MIOX: variants seen among roughly 807,000 people sequenced by gnomAD.
The protein encoded by MIOX is inositol oxygenase.
In MIOX, 51 loss-of-function variants were observed where a neutral mutation model predicts 42.7. The ratio of observed to expected loss-of-function variants is 1.19; its 90% confidence interval spans 0.95 to 1.51. The LOEUF is 1.51. Ranked by LOEUF, MIOX falls within the 40% of genes most tolerant of loss-of-function variation. MIOX has a pLI of 0.00. For missense variants in MIOX, 395 were observed against 381.3 expected (o/e 1.04, Z -0.30); for synonymous variants, 168 against 154.4 (o/e 1.09, Z -0.65).
At chr22:50,489,349 G>A (rs1418827024) in intron 7 of MIOX, 48 bp from the exon 8 acceptor site, 26 of 1,476,758 alleles carry the variant, frequency 1.8e-5, no homozygotes, top group Non-Finnish European at 2.2e-5. Flanking sequence ...GACGGTGGGG[G>A]GCGGTGGGGC....
rs1440032864 is a variant in MIOX, at chr22:50,489,453, G to C, written c.636+7G>C. 1 of 1,607,220 alleles carries C rather than the reference G, an allele frequency of 6.2e-7. No individual in the cohort carries two copies. The highest frequency in any genetic ancestry group is 1.7e-5 in the Admixed American group (1 of 59,782). On this transcript the variant is annotated splice_region_variant and intron_variant, in intron 8 of 9. Coordinates refer to ENST00000216075, the MANE Select transcript of MIOX (RefSeq NM_017584.6). ...GTTCTCACTGCCCCCTGAGGTAGGT[G>C]GGGGGAGGGGCAACGCAGCCCGTCC...
Position 50,487,038 on chromosome 22 carries a change from G to T in MIOX, c.15+126G>T, listed in dbSNP as rs2232877. 543 of 1,261,208 alleles carry T rather than the reference G, an allele frequency of 4.3e-4. 3 individuals are homozygous for T. The African/African-American group carries it at 7.3e-3, about 17-fold the overall frequency. 78.1% of individuals were successfully genotyped at this position (1,261,208 alleles called of 1,614,324 possible). A position where few individuals can be genotyped will look rare whatever the true frequency, so the allele number is the denominator to read the frequency against. On this transcript the variant is annotated intron_variant, in intron 1 of 9. Coordinates refer to ENST00000216075, the MANE Select transcript of MIOX (RefSeq NM_017584.6). Reference sequence around the variant, plus strand: ...CCGTCCAGCTGGGCAAGAGCCAGCGGCTGCCGACCCCCAGGCTCCCTGTGG... The same window carrying T: ...CCGTCCAGCTGGGCAAGAGCCAGCGTCTGCCGACCCCCAGGCTCCCTGTGG...
rs765046659 is a variant in MIOX, at chr22:50,489,549, G to A, written c.654G>A (p.Arg218=). The A allele has an allele frequency of 6.2e-7, 1 of 1,612,760 alleles. No individual in the cohort carries two copies. The highest frequency in any genetic ancestry group is 1.3e-5 in the African/African-American group (1 of 75,016). Residue 218 remains arginine, a synonymous_variant, in exon 9 of 10, where the codon CGG becomes CGA. Transcript: ENST00000216075. ...SLPPEAFYMI[R]FHSFYPWHTG... ...GCCCGCAGGCTTTCTACATGATCCG[G>A]TTCCACTCCTTCTACCCCTGGCACA...
rs2232888 is a variant in MIOX at position 50,489,943 on chromosome 22, C to G, written c.*87C>G. The G allele has an allele frequency of 1.0e-3, 1,319 of 1,296,406 alleles. 10 individuals carry two copies. The African/African-American group carries it at 0.017, about 17-fold the overall frequency. 80.3% of individuals were successfully genotyped at this position (1,296,406 alleles called of 1,614,324 possible). On this transcript the variant is annotated 3_prime_UTR_variant, in exon 10 of 10. Coordinates refer to ENST00000216075, the MANE Select transcript of MIOX (RefSeq NM_017584.6). ...CTGGCCCTGGGCAAACAGCCGCCAT[C>G]AGGGTTCACCTCGGTGGGGGACCCC...
rs201501795 is a variant in MIOX, at chr22:50,487,641, C to T, written c.97-21C>T. 133 of 1,608,436 alleles carry T rather than the reference C, an allele frequency of 8.3e-5. No individual in the cohort carries two copies. In the East Asian group the frequency reaches 2.9e-3, roughly 35 times the overall value. ...CTCGTGTGCAGGGTGGGGGTGGCGC[C>T]ACTGACCCTCCGGCCTGCAGTCAGG... On this transcript the variant is annotated intron_variant, in intron 2 of 9. Transcript: ENST00000216075.
Position 50,490,034 on chromosome 22 carries a change from G to A in MIOX, c.*178G>A. The A allele has an allele frequency of 3.2e-6, 2 of 615,910 alleles. No homozygotes were observed. The highest frequency in any genetic ancestry group is 5.8e-6 in the Non-Finnish European group (2 of 347,072). The allele number at this position is 615,910 out of a possible 1,614,324, so 38.2% of individuals were successfully genotyped here. A position where few individuals can be genotyped will look rare whatever the true frequency, so the allele number is the denominator to read the frequency against. On this transcript the variant is annotated 3_prime_UTR_variant, in exon 10 of 10. Transcript: ENST00000216075. ...GCCTGGCGTCAATAAAGACCTGGAA[G>A]GATGTTGTGCTTCTGAAGCCCCACT...
At position 50,490,629 on chromosome 22, in the gene MIOX, A is replaced by G. The variant is rs1029000471; in HGVS notation, c.*773A>G. The stretch of plus-strand genomic sequence containing the variant: ...GTGAAATTCCATCTCAAAAAAAATA[A>G]ATAAAATAAAATAAAACAAGTGCAC... On this transcript the variant is annotated 3_prime_UTR_variant, in exon 10 of 10. Coordinates refer to ENST00000216075, the MANE Select transcript of MIOX (RefSeq NM_017584.6). 3 of 152,104 alleles carry G rather than the reference A, an allele frequency of 2.0e-5. No individual in the cohort carries two copies. The highest frequency in any genetic ancestry group is 7.3e-5 in the African/African-American group (3 of 41,310). 9.4% of individuals were successfully genotyped at this position (152,104 alleles called of 1,614,324 possible). A position where few individuals can be genotyped will look rare whatever the true frequency, so the allele number is the denominator to read the frequency against.
chr22:50,489,307 G>C lies in MIOX; in HGVS notation c.586+12G>C, dbSNP rs774962875. ...CTGGGGCCATGATGGTGAGGCCAGA[G>C]GCGGGCAGTGGGGCGGTGGGGGGCG... On this transcript the variant is annotated intron_variant, in intron 7 of 9. Transcript: ENST00000216075. 1 of 1,542,042 alleles carries C rather than the reference G, an allele frequency of 6.5e-7. No individual in the cohort carries two copies. The highest frequency in any genetic ancestry group is 8.7e-7 in the Non-Finnish European group (1 of 1,148,868).
At position 50,489,066 on chromosome 22, in the gene MIOX, C is replaced by T. The variant is rs747220479; in HGVS notation, c.435C>T (p.Pro145=). The change falls in exon 6 of 10, where the codon CCC becomes CCT. Residue 145 remains proline, a synonymous_variant. Coordinates refer to ENST00000216075, the MANE Select transcript of MIOX (RefSeq NM_017584.6). ...GGGCTGTCGTCGGCGACACCTTCCC[C>T]GTCGGATGCCGTCCGCAGGCCTCCG... ...PQWAVVGDTF[P]VGCRPQASVV... is the part of the protein sequence containing the mutation. 108 of 1,611,372 alleles carry T rather than the reference C, an allele frequency of 6.7e-5. 1 individual carries two copies. Among genetic ancestry groups the T allele is most frequent in the South Asian group, 6.5e-4 (59 of 91,072 alleles).
rs139170143 is a variant in MIOX at position 50,489,018 on chromosome 22, C to CTCCT, written c.409-22_409-21insTCCT. ...TTCCCCCACTCCCCCCATGGCCTCCCGTCCCTCCTGTCCCTCTGCAGTGGG... is the reference window on the plus strand; with the variant it reads ...TTCCCCCACTCCCCCCATGGCCTCCCTCCTGTCCCTCCTGTCCCTCTGCAGTGGG... On this transcript the variant is annotated intron_variant, in intron 5 of 9. Coordinates refer to ENST00000216075, the MANE Select transcript of MIOX (RefSeq NM_017584.6). 40 of 1,450,578 alleles carry CTCCT rather than the reference C, an allele frequency of 2.8e-5. 3 individuals are homozygous for CTCCT. The highest frequency in any genetic ancestry group is 1.8e-4 in the South Asian group (15 of 84,544). The allele number at this position is 1,450,578 out of a possible 1,614,324, so 89.9% of individuals were successfully genotyped here. A position where few individuals can be genotyped will look rare whatever the true frequency, so the allele number is the denominator to read the frequency against.
At chr22:50,487,490 C>G (rs768814045) in intron 2 of MIOX, 25 bp downstream of exon 2, 13 of 1,608,514 alleles carry the variant, frequency 8.1e-6, no homozygotes, top group South Asian at 3.3e-5. Flanking sequence ...GTCCTGCCCC[C>G]CTTCTCCCCC....
chr22:50,487,615 C>T, intron 2 of MIOX, 47 bp from the exon 3 acceptor site: 1 of 1,584,300 alleles, frequency 6.3e-7, no homozygotes, highest in Non-Finnish European at 8.6e-7. Flanking sequence ...AGGCATGGGG[C>T]CTCGTGTGCA....
rs1366150106 is a variant in MIOX at position 50,486,864 on chromosome 22, G to A, written c.-34G>A. 2.5e-6 allele frequency: 4 copies of A among 1,613,798 alleles called. No homozygotes were observed. Among genetic ancestry groups the A allele is most frequent in the Middle Eastern group, 1.6e-4 (1 of 6,084 alleles). The stretch of plus-strand genomic sequence containing the variant: ...TGGCTGAGGACACACTCGCCAGCCT[G>A]TGCTTTGCCACCTGAGCGCCGCTCC... On this transcript the variant is annotated 5_prime_UTR_variant, in exon 1 of 10. In the 5' UTR this introduces an upstream ATG that the reference lacks. Transcript: ENST00000216075.
intron 5 of MIOX, among the ~76,000 whole-genome samples, chr22:50,488,551 C>T (rs568246302): frequency 6.7e-4 from 84 of 124,684 alleles, no homozygotes; most frequent in African/African-American, 1.6e-3. Flanking sequence ...CACGGCCCCC[C>T]CCACGGCTGC....
chr22:50,488,390 TG>T (rs1569516455), intron 5 of MIOX, 48 bp downstream of exon 5: 3 of 1,504,076 alleles, frequency 2.0e-6, no homozygotes, highest in Non-Finnish European at 2.7e-6. Flanking sequence ...TGAGGCAAGG[TG>T]GGGGTGGAGT....
At position 50,490,086 on chromosome 22, in the gene MIOX, C is replaced by G. The variant is rs1408126985; in HGVS notation, c.*230C>G. On this transcript the variant is annotated 3_prime_UTR_variant, in exon 10 of 10. Transcript: ENST00000216075. ...GGTGTTACTGCAGCAGGGCGTGGCC[C>G]AGGCCGAGGGATGGTGCCAGCAGGG... The G allele has an allele frequency of 7.1e-6, 4 of 564,134 alleles. No individual in the cohort carries two copies. In the East Asian group the frequency reaches 1.2e-4, roughly 17 times the overall value. 34.9% of individuals were successfully genotyped at this position (564,134 alleles called of 1,614,324 possible).
chr22:50,487,444 G>A lies in MIOX; in HGVS notation c.75G>A (p.Lys25=), dbSNP rs1006533924. 2 of 1,613,922 alleles carry A rather than the reference G, an allele frequency of 1.2e-6. No homozygotes were observed. The highest frequency in any genetic ancestry group is 1.7e-6 in the Non-Finnish European group (2 of 1,179,922). Reference sequence around the variant, plus strand: ...TGGACCCAGAGGTGGCCAAAGACAAGGCCAGCTTCCGGAACTACACGGTGA... The same window carrying A: ...TGGACCCAGAGGTGGCCAAAGACAAAGCCAGCTTCCGGAACTACACGGTGA... ...PDVDPEVAKD[K]ASFRNYTSGP... The change falls in exon 2 of 10, where the codon AAG becomes AAA. Residue 25 remains lysine, a synonymous_variant. Transcript: ENST00000216075.
Position 50,488,266 on chromosome 22 carries a change from C to G in MIOX, c.341-9C>G. 3 of 1,613,648 alleles carry G rather than the reference C, an allele frequency of 1.9e-6. No homozygotes were observed. Among genetic ancestry groups the G allele is most frequent in the South Asian group, 1.1e-5 (1 of 91,004 alleles). ...AGTCCCCAACCTGCCCTGTCCATCCCCCTCCCAGACTGGTTCCACCTCGTC... is the reference window on the plus strand; with the variant it reads ...AGTCCCCAACCTGCCCTGTCCATCCGCCTCCCAGACTGGTTCCACCTCGTC... On this transcript the variant is annotated splice_polypyrimidine_tract_variant and intron_variant, in intron 4 of 9. Transcript: ENST00000216075.
intron 7 of MIOX, 42 bp downstream of exon 7, chr22:50,489,337 G>A: frequency 6.8e-7 from 1 of 1,473,580 alleles, no homozygotes; most frequent in Non-Finnish European, 9.0e-7. Flanking sequence ...GGGGCGGTGG[G>A]GGACGGTGGG....
Sources: allele counts gnomAD v4.1 joint callset (sites outside exome capture counted in the v4.1 genomes callset), GRCh38; gene constraint gnomAD v4.1.1; transcripts MANE v1.5; gene names NCBI Gene and HGNC (gene_info 2026-07-23, HGNC 2026-07-21).